BCL2: variants seen among roughly 807,000 people sequenced by gnomAD.
The protein encoded by BCL2 is BCL2 apoptosis regulator.
BCL2 carries 1 observed loss-of-function variant against 14.2 expected under a neutral mutation model. The observed-to-expected ratio is 0.07, with a 90% CI of 0.02 to 0.33. BCL2 has a LOEUF of 0.33. BCL2 is among the 10% of genes least tolerant of loss of function. The pLI, the probability that BCL2 is intolerant of heterozygous loss-of-function variation, is 0.99. For missense variants in BCL2, 247 were observed against 305.9 expected, an observed-to-expected ratio of 0.81 and a Z score of 1.44; for synonymous variants, 151 against 137.2, an observed-to-expected ratio of 1.10 and a Z score of -0.70.
intron 2 of BCL2, among the ~76,000 whole-genome samples, chr18:63,199,062 T>C (rs1032420400): frequency 3.6e-5 from 5 of 138,242 alleles, no homozygotes; most frequent in Admixed American, 1.5e-4. Context: ...ACACACACAC[T>C]ACACAACACA....
At position 63,169,336 on chromosome 18, in the gene BCL2, CCTTT is replaced by C. The variant is rs796105554; in HGVS notation, c.586-40581_586-40578del. 1.4e-3 allele frequency among the ~76,000 whole-genome samples: 86 copies of C among 62,088 alleles called. 8 individuals carry two copies. The highest frequency in any genetic ancestry group is 0.016 in the Middle Eastern group (2 of 124). 40.7% of individuals were successfully genotyped at this position (62,088 alleles called of 152,430 possible). ...CCTTCCTTCCTTCTTTCCTTTCCTT[CCTTT>C]CTTTCTTTCTTTCTTTCTTTCTTTC... On this transcript the variant is annotated intron_variant, in intron 2 of 2. Transcript: ENST00000333681.
chr18:63,187,258 T>C (rs1292685171), intron 2 of BCL2, among the ~76,000 whole-genome samples: 1 of 152,200 alleles, frequency 6.6e-6, no homozygotes, highest in Admixed American at 6.5e-5. Flanking sequence ...GCCATTTATT[T>C]TAGGAATGTT....
At chr18:63,275,491 A>C (rs895124985) in intron 2 of BCL2, among the ~76,000 whole-genome samples, 1 of 152,172 alleles carries the variant, frequency 6.6e-6, no homozygotes, top group Non-Finnish European at 1.5e-5. Flanking sequence ...GGGTGTTTCC[A>C]TTCTGGTGCT....
intron 2 of BCL2, among the ~76,000 whole-genome samples, chr18:63,295,870 T>C (rs1291629628): frequency 1.3e-5 from 2 of 152,188 alleles, no homozygotes; most frequent in Admixed American, 1.3e-4. Flanking sequence ...CAGGATTTTC[T>C]GACAGGTGGG....
At chr18:63,295,430 C>G (rs2075363945) in intron 2 of BCL2, among the ~76,000 whole-genome samples, 1 of 152,118 alleles carries the variant, frequency 6.6e-6, no homozygotes, top group Admixed American at 6.5e-5. Flanking sequence ...GAAAGAGCAG[C>G]AGTGAGAAGC....
chr18:63,223,192 G>T (rs1321430805), intron 2 of BCL2, among the ~76,000 whole-genome samples: 1 of 152,158 alleles, frequency 6.6e-6, no homozygotes, highest in Non-Finnish European at 1.5e-5. Flanking sequence ...ACGAGGTCAG[G>T]AGATTGAGAC....
intron 2 of BCL2, among the ~76,000 whole-genome samples, chr18:63,212,027 C>T (rs1910022528): frequency 6.6e-6 from 1 of 152,066 alleles, no homozygotes; most frequent in Admixed American, 6.6e-5. Flanking sequence ...ACCATGTGGC[C>T]CTAAAAATAC....
At chr18:63,260,199 C>T (rs1025580669) in intron 2 of BCL2, among the ~76,000 whole-genome samples, 1 of 152,188 alleles carries the variant, frequency 6.6e-6, no homozygotes, top group African/African-American at 2.4e-5. Flanking sequence ...GTAGCCTTCA[C>T]TACAATGCAT....
rs1913604250 is a variant in BCL2 at position 63,318,925 on chromosome 18, T to C, written c.-259A>G. The C allele has an allele frequency of 5.1e-6, 7 of 1,381,726 alleles. No homozygotes were observed. The highest frequency in any genetic ancestry group is 1.5e-5 in the African/African-American group (1 of 67,152). The allele number at this position is 1,381,726 out of a possible 1,614,324, so 85.6% of individuals were successfully genotyped here. ...GGCACGTTATTATTAGTAAGTATTGTTAATATCAGTCTACTTCCTCTGTGA... is the reference window on the plus strand; with the variant it reads ...GGCACGTTATTATTAGTAAGTATTGCTAATATCAGTCTACTTCCTCTGTGA... On this transcript the variant is annotated 5_prime_UTR_variant, in exon 2 of 3. Transcript: ENST00000333681. This position sits in a 1 kb window ranked among gnomAD's most constrained non-coding sequence, Gnocchi z 7.4.
intron 2 of BCL2, among the ~76,000 whole-genome samples, chr18:63,152,959 G>T (rs140893685): frequency 6.6e-6 from 1 of 152,328 alleles, no homozygotes; most frequent in African/African-American, 2.4e-5. Flanking sequence ...TCCACTGCCT[G>T]CCCACTCTCT....
chr18:63,143,682 T>C (rs190812260), intron 2 of BCL2, among the ~76,000 whole-genome samples: 2 of 152,364 alleles, frequency 1.3e-5, no homozygotes, highest in African/African-American at 4.8e-5. Context: ...CACCGACTAT[T>C]CCTCAGGCAA....
intron 2 of BCL2, chr18:63,317,553 T>C: frequency 1.0e-6 from 1 of 986,876 alleles, no homozygotes; most frequent in Non-Finnish European, 1.2e-6. Flanking sequence ...TTTTGGAAAA[T>C]TTTACCGATT....
chr18:63,280,153 A>C (rs1257731329), intron 2 of BCL2, among the ~76,000 whole-genome samples: 1 of 152,244 alleles, frequency 6.6e-6, no homozygotes, highest in Non-Finnish European at 1.5e-5. Flanking sequence ...ATCATAAATC[A>C]AAAAGATAGA....
intron 2 of BCL2, among the ~76,000 whole-genome samples, chr18:63,159,769 A>C (rs964718120): frequency 2.0e-5 from 3 of 152,238 alleles, no homozygotes; most frequent in African/African-American, 7.2e-5. Flanking sequence ...CTACAAAAAC[A>C]CAGATGAATG....
At chr18:63,317,858 G>A in intron 2 of BCL2, 2 of 1,404,252 alleles carry the variant, frequency 1.4e-6, no homozygotes. Context: ...GGATCTCCAC[G>A]ACTAGCAAGC....
At chr18:63,216,053 G>A (rs1038269702) in intron 2 of BCL2, among the ~76,000 whole-genome samples, 1 of 152,090 alleles carries the variant, frequency 6.6e-6, no homozygotes, top group Non-Finnish European at 1.5e-5. Flanking sequence ...CTAAGTGCTA[G>A]GCAAAGACAG....
chr18:63,273,320 C>G (rs895444982), intron 2 of BCL2, among the ~76,000 whole-genome samples: 6 of 152,134 alleles, frequency 3.9e-5, no homozygotes. Context: ...CGAAGAACTC[C>G]CAAGGCCGTT....
In BCL2 at chr18:63,318,800, G is replaced by C; in HGVS notation, c.-134C>G. The C allele has an allele frequency of 6.8e-7, 1 of 1,472,836 alleles. No homozygotes were observed. The highest frequency in any genetic ancestry group is 9.0e-7 in the Non-Finnish European group (1 of 1,112,220). 91.2% of individuals were successfully genotyped at this position (1,472,836 alleles called of 1,614,324 possible). ...GTGCTTTGCATTCTTGGACGAGGGG[G>C]TGTCTTCAATCACGCGGAACACTTG... On this transcript the variant is annotated 5_prime_UTR_variant, in exon 2 of 3. Transcript: ENST00000333681. The surrounding 1 kb of genome is among the most constrained non-coding windows in gnomAD (Gnocchi z 7.4).
chr18:63,182,786 A>G (rs1599230026), intron 2 of BCL2, among the ~76,000 whole-genome samples: 1 of 152,204 alleles, frequency 6.6e-6, no homozygotes, highest in Non-Finnish European at 1.5e-5. Context: ...GCTTTGCACT[A>G]ATCTCTTTAA....
Sources: allele counts gnomAD v4.1 joint callset (sites outside exome capture counted in the v4.1 genomes callset), GRCh38; gene constraint gnomAD v4.1.1; non-coding constraint Gnocchi (gnomAD v3.1); transcripts MANE v1.5; gene names NCBI Gene and HGNC (gene_info 2026-07-23, HGNC 2026-07-21).